The following GALNT14 variants were observed in gnomAD, a reference collection of about 807,000 sequenced individuals.
GALNT14 encodes the protein UDP-GalNAc:polypeptide N-acetylgalactosaminyltransferase 14.
A neutral mutation model predicts 77.5 loss-of-function variants in GALNT14; 60 were observed. The observed-to-expected ratio is 0.77, with a 90% confidence interval of 0.63 to 0.96. The LOEUF (loss-of-function observed/expected upper bound fraction) is 0.96. GALNT14 is among the 40% of genes least tolerant of loss of function. The pLI, the probability that GALNT14 is intolerant of heterozygous loss-of-function variation, is 0.00. For synonymous variants in GALNT14, 280 were observed against 281.7 expected (o/e 0.99, Z 0.06); for missense variants, 710 against 731.0 (o/e 0.97, Z 0.33).
chr2:30,921,027 C>T (rs1317682029), intron 13 of GALNT14, among the ~76,000 whole-genome samples: 1 of 152,238 alleles, frequency 6.6e-6, no homozygotes, highest in African/African-American at 2.4e-5. Flanking sequence ...AGGCCATGCC[C>T]AGGATGAGTG....
chr2:31,038,530 ACT>A (rs1185505164), intron 1 of GALNT14, among the ~76,000 whole-genome samples: 4 of 149,436 alleles, frequency 2.7e-5, no homozygotes, highest in Admixed American at 2.0e-4. Flanking sequence ...TATAGTAATA[ACT>A]CTCTGGAGAT....
At chr2:30,987,227 C>T (rs550725027) in intron 2 of GALNT14, among the ~76,000 whole-genome samples, 19 of 152,146 alleles carry the variant, frequency 1.2e-4, no homozygotes, top group Non-Finnish European at 2.4e-4. Flanking sequence ...CAGAGGTTTC[C>T]ATCTCAACAG....
chr2:30,920,787 G>A (rs143226208), intron 13 of GALNT14, among the ~76,000 whole-genome samples: 1 of 152,294 alleles, frequency 6.6e-6, no homozygotes, highest in East Asian at 1.9e-4. Flanking sequence ...GTAGGCCCTG[G>A]AGGGCAGGGG....
intron 1 of GALNT14, among the ~76,000 whole-genome samples, chr2:31,056,859 C>T (rs72854854): frequency 5.3e-5 from 8 of 151,998 alleles, no homozygotes; most frequent in Non-Finnish European, 8.8e-5. Context: ...TACACACGAT[C>T]GCAAACACAT....
chr2:30,994,743 G>A (rs1353931866), intron 1 of GALNT14, among the ~76,000 whole-genome samples: 1 of 152,090 alleles, frequency 6.6e-6, no homozygotes, highest in Non-Finnish European at 1.5e-5. Flanking sequence ...TCTCCCACTG[G>A]CTTGTTTCCA....
At chr2:30,966,074 T>C (rs975424224) in intron 3 of GALNT14, 130 bp downstream of exon 3, 5 of 662,964 alleles carry the variant, frequency 7.5e-6, no homozygotes, top group African/African-American at 5.3e-5. Flanking sequence ...ATGTGACATA[T>C]AGAATAGTGC....
At chr2:30,912,068 G>T (rs901783230) in intron 14 of GALNT14, among the ~76,000 whole-genome samples, 155 bp downstream of exon 14, 15 of 152,134 alleles carry the variant, frequency 9.9e-5, no homozygotes, top group African/African-American at 3.4e-4. Flanking sequence ...TCACAGAGGG[G>T]ATCCCAGGCA....
At chr2:30,976,135 A>G (rs891843080) in intron 2 of GALNT14, among the ~76,000 whole-genome samples, 6 of 152,178 alleles carry the variant, frequency 3.9e-5, no homozygotes, top group African/African-American at 7.2e-5. Flanking sequence ...ACAGAAGGCC[A>G]GACATCTCCC....
At chr2:31,105,518 G>A (rs1210376280) in intron 1 of GALNT14, among the ~76,000 whole-genome samples, 1 of 152,128 alleles carries the variant, frequency 6.6e-6, no homozygotes, top group Non-Finnish European at 1.5e-5. Context: ...TTGAGGTCAG[G>A]AGTTCGAGAC....
chr2:30,897,921 C>T, the GALNT14 span, among the ~76,000 whole-genome samples: 3 of 152,186 alleles, frequency 2.0e-5, no homozygotes, highest in East Asian at 5.8e-4. Context: ...GGACTCCATG[C>T]CCCAGGCAAC....
intron 3 of GALNT14, among the ~76,000 whole-genome samples, chr2:30,965,951 T>C (rs910280911): frequency 1.3e-5 from 2 of 152,178 alleles, no homozygotes; most frequent in African/African-American, 2.4e-5. Flanking sequence ...CTGCTTCTTC[T>C]ACTTATTCTC....
chr2:30,938,448 T>A (rs769187085), intron 9 of GALNT14, among the ~76,000 whole-genome samples: 4 of 151,806 alleles, frequency 2.6e-5, no homozygotes, highest in African/African-American at 4.8e-5. Context: ...AAGCTAAAAG[T>A]AGGATGCAGC....
At position 30,992,845 on chromosome 2, in the gene GALNT14, G is replaced by A. The variant is rs1008335995; in HGVS notation, c.292C>T (p.His98Tyr). 2 of 1,613,078 alleles carry A rather than the reference G, an allele frequency of 1.2e-6. No individual in the cohort carries two copies. The highest frequency in any genetic ancestry group is 2.7e-5 in the African/African-American group (2 of 74,922). ...SSNRAIPDTR[H>Y]LRCTLLVYCT... is the part of the protein sequence containing the mutation. The stretch of plus-strand genomic sequence containing the variant: ...GGGAGAAGGAGGAAGTACCTCAGAT[G>A]GCGAGTGTCCGGGATGGCCCGATTG... The change falls in exon 2 of 15, where the codon CAT becomes TAT. Residue 98 changes from histidine (H) to tyrosine (Y), a missense_variant. His to Tyr is a moderately conservative substitution (Grantham distance 83). Transcript: ENST00000349752.
At chr2:31,017,726 T>C (rs17393536) in intron 1 of GALNT14, among the ~76,000 whole-genome samples, 58,680 of 151,810 alleles carry the variant, frequency 0.39, 11,576 homozygotes, top group East Asian at 0.57. Context: ...CCTGGAGAGA[T>C]GCCAGCACCG....
At chr2:31,103,232 T>A (rs1320066940) in intron 1 of GALNT14, among the ~76,000 whole-genome samples, 1 of 152,176 alleles carries the variant, frequency 6.6e-6, no homozygotes, top group Non-Finnish European at 1.5e-5. Flanking sequence ...CTGGGAAGGT[T>A]TGTGTTTTTA....
At chr2:30,917,080 A>C (rs1664726308) in intron 13 of GALNT14, among the ~76,000 whole-genome samples, 1 of 143,806 alleles carries the variant, frequency 7.0e-6, no homozygotes, top group Non-Finnish European at 1.5e-5. Context: ...CCGTCTCAAA[A>C]AAAAAAAAAA....
chr2:30,895,133 G>A, the GALNT14 span, among the ~76,000 whole-genome samples: 7 of 152,220 alleles, frequency 4.6e-5, no homozygotes, highest in Non-Finnish European at 8.8e-5. Context: ...AGATATGGAA[G>A]CAGATGAAGG....
At chr2:31,085,025 TA>T (rs70962301) in intron 1 of GALNT14, among the ~76,000 whole-genome samples, 77,212 of 145,590 alleles carry the variant, frequency 0.53, 20,530 homozygotes, top group African/African-American at 0.66. Context: ...AGACTCCATC[TA>T]AAAAAAAAAA....
At position 31,095,376 on chromosome 2, in the gene GALNT14, A is replaced by G. The variant is rs190478874; in HGVS notation, c.129+42582T>C. 3.3e-5 allele frequency among the ~76,000 whole-genome samples: 5 copies of G among 152,258 alleles called. No homozygotes were observed. The East Asian group carries it at 9.7e-4, about 29-fold the overall frequency. Reference sequence around the variant, plus strand: ...TCTGACATAGCGTGGGTTCTGTATTAAGCCACTTTTTTCCCACTCAGTAAT... The same window carrying G: ...TCTGACATAGCGTGGGTTCTGTATTGAGCCACTTTTTTCCCACTCAGTAAT... On this transcript the variant is annotated intron_variant, in intron 1 of 14. Coordinates refer to ENST00000349752, the MANE Select transcript of GALNT14 (RefSeq NM_024572.4).
Sources: gnomAD v4.1 joint callset for allele counts (sites outside exome capture counted in the v4.1 genomes callset) on GRCh38, gnomAD v4.1.1 for gene constraint, MANE v1.5 for transcripts, NCBI Gene and HGNC (gene_info 2026-07-23, HGNC 2026-07-21) for gene names.